Variants in AUTS2 observed in about 807,000 individuals in gnomAD.
The protein encoded by AUTS2 is activator of transcription and developmental regulator AUTS2.
AUTS2 carries 17 observed loss-of-function variants against 112.4 expected under a neutral mutation model. That is an observed-to-expected ratio of 0.15 (90% CI 0.10 to 0.23). The LOEUF (loss-of-function observed/expected upper bound fraction) is 0.23, where lower values mean the gene tolerates loss of function less well. AUTS2 is among the 10% of genes least tolerant of loss of function. The probability of loss-of-function intolerance (pLI) is 1.00; values close to 1 mark genes in which losing one functional copy is unlikely to be tolerated. For missense variants in AUTS2, 1,510 were observed against 1,701.6 expected, an observed-to-expected ratio of 0.89 and a Z score of 1.98; for synonymous variants, 751 against 702.7, an observed-to-expected ratio of 1.07 and a Z score of -1.09.
At chr7:70,095,754 C>T (rs1804163137) in intron 2 of AUTS2, among the ~76,000 whole-genome samples, 1 of 152,072 alleles carries the variant, frequency 6.6e-6, no homozygotes, top group Admixed American at 6.5e-5. Context: ...GCTGTAGACT[C>T]TGTGATAGAG....
intron 2 of AUTS2, among the ~76,000 whole-genome samples, chr7:70,022,314 G>C (rs1045115547): frequency 6.6e-6 from 1 of 151,024 alleles, no homozygotes; most frequent in Non-Finnish European, 1.5e-5. Flanking sequence ...GTGGGTGTTA[G>C]ACTAATAGAT....
chr7:70,734,259 G>GA, intron 6 of AUTS2, among the ~76,000 whole-genome samples: 1 of 152,052 alleles, frequency 6.6e-6, no homozygotes, highest in East Asian at 2.0e-4. Context: ...CTAACACAGT[G>GA]AAACCCCGTC....
At chr7:70,522,493 T>A (rs999017603) in intron 5 of AUTS2, among the ~76,000 whole-genome samples, 1 of 152,234 alleles carries the variant, frequency 6.6e-6, no homozygotes, top group Non-Finnish European at 1.5e-5. Flanking sequence ...TGTCTGTTGT[T>A]GCCACGTTTT....
At chr7:69,614,801 G>A (rs1793277125) in intron 1 of AUTS2, among the ~76,000 whole-genome samples, 1 of 152,092 alleles carries the variant, frequency 6.6e-6, no homozygotes, top group South Asian at 2.1e-4. Context: ...CGTATGAAGA[G>A]AGGTGGCAGT....
chr7:69,971,646 G>T (rs1797854511), intron 2 of AUTS2, among the ~76,000 whole-genome samples: 1 of 152,072 alleles, frequency 6.6e-6, no homozygotes, highest in Non-Finnish European at 1.5e-5. Flanking sequence ...CTCCTGATAT[G>T]CAATCACTTT....
chr7:70,282,634 G>A (rs1338414699), intron 4 of AUTS2, among the ~76,000 whole-genome samples: 1 of 152,170 alleles, frequency 6.6e-6, no homozygotes, highest in Non-Finnish European at 1.5e-5. Context: ...TGGTAGTTAG[G>A]ATTTCAACAT....
intron 4 of AUTS2, among the ~76,000 whole-genome samples, chr7:70,251,417 C>A (rs1424287702): frequency 6.6e-6 from 1 of 152,138 alleles, no homozygotes; most frequent in Non-Finnish European, 1.5e-5. Context: ...TCCCTCACCT[C>A]TTCTCTAAAT....
chr7:70,581,824 G>A (rs1049665871), intron 5 of AUTS2, among the ~76,000 whole-genome samples: 3 of 152,056 alleles, frequency 2.0e-5, no homozygotes, highest in Non-Finnish European at 4.4e-5. Context: ...TGGTGTAGTT[G>A]ACTTGTTTCT....
At chr7:70,167,060 T>G (rs1008534555) in intron 4 of AUTS2, among the ~76,000 whole-genome samples, 4 of 152,158 alleles carry the variant, frequency 2.6e-5, no homozygotes, top group Non-Finnish European at 5.9e-5. Context: ...ACCCTGTCTC[T>G]GCTGAAAGTA....
intron 5 of AUTS2, among the ~76,000 whole-genome samples, chr7:70,646,688 C>T (rs987130634): frequency 3.3e-5 from 5 of 152,258 alleles, no homozygotes; most frequent in African/African-American, 1.2e-4. Flanking sequence ...ATCGAACAGA[C>T]TGTGCCGCTG....
chr7:70,395,912 C>T (rs935390630), intron 4 of AUTS2, among the ~76,000 whole-genome samples: 1 of 152,034 alleles, frequency 6.6e-6, no homozygotes, highest in African/African-American at 2.4e-5. Context: ...TGCTGTTTAC[C>T]GTCAAGCCTG....
chr7:70,237,568 A>T (rs912401438), intron 4 of AUTS2, among the ~76,000 whole-genome samples: 1 of 152,204 alleles, frequency 6.6e-6, no homozygotes, highest in Non-Finnish European at 1.5e-5. Context: ...TACCTTCAAA[A>T]TACCAAATCT....
intron 1 of AUTS2, among the ~76,000 whole-genome samples, chr7:69,804,367 A>G (rs979152908): frequency 6.6e-6 from 1 of 152,182 alleles, no homozygotes; most frequent in Non-Finnish European, 1.5e-5. Context: ...ACTGTGTGAA[A>G]CTTCTCATAC....
chr7:69,782,799 G>T (rs556927833), intron 1 of AUTS2, among the ~76,000 whole-genome samples: 1 of 152,138 alleles, frequency 6.6e-6, no homozygotes. Context: ...GATGTAGTTA[G>T]TTCTCATGCT....
chr7:70,790,083 G>A lies in AUTS2; in HGVS notation c.2867G>A (p.Ser956Asn). Residue 956 changes from serine to asparagine, a missense_variant, in exon 19 of 19, where the codon AGC becomes AAC. Around this residue, in one of 3 missense-constraint regions of AUTS2, gnomAD observed 788 missense variants for 797.6 expected, o/e 0.99. Transcript: ENST00000342771. The surrounding 1 kb of genome is among the most constrained non-coding windows in gnomAD (Gnocchi z 7.6). Reference protein sequence around the residue: ...TPVVESARPNSTSSREAEPRK... With the variant: ...TPVVESARPNNTSSREAEPRK... ...GTGGTGGAGAGTGCCAGGCCCAACA[G>A]CACCTCGAGCCGGGAGGCCGAGCCG... 1.9e-6 allele frequency: 3 copies of A among 1,577,364 alleles called. No individual in the cohort carries two copies. The highest frequency in any genetic ancestry group is 2.6e-6 in the Non-Finnish European group (3 of 1,163,812).
rs1792262555 is a variant in AUTS2, at chr7:69,599,718, G to A, written c.65G>A (p.Arg22Gln). 4 of 1,325,642 alleles carry A rather than the reference G, an allele frequency of 3.0e-6. No individual in the cohort carries two copies. The highest frequency in any genetic ancestry group is 8.2e-5 in the Admixed American group (2 of 24,386). 82.1% of individuals were successfully genotyped at this position (1,325,642 alleles called of 1,614,324 possible). A position where few individuals can be genotyped will look rare whatever the true frequency, so the allele number is the denominator to read the frequency against. Residue 22 changes from arginine (R) to glutamine (Q), a missense_variant, in exon 1 of 19, where the codon CGG (arginine) becomes CAG (glutamine). Around this residue, in one of 3 missense-constraint regions of AUTS2, gnomAD observed 535 missense variants for 594.3 expected, o/e 0.90. Transcript: ENST00000342771. The surrounding 1 kb of genome is among the most constrained non-coding windows in gnomAD (Gnocchi z 7.0). ...KKRRSRSQRD[R>Q]ERRSRGGLGA... ...CGGCGGTCGCGGTCGCAGCGAGACCGGGAGAGGCGCTCCCGGGGCGGGCTG... is the reference window on the plus strand; with the variant it reads ...CGGCGGTCGCGGTCGCAGCGAGACCAGGAGAGGCGCTCCCGGGGCGGGCTG...
At chr7:70,378,015 A>G (rs1164116024) in intron 4 of AUTS2, among the ~76,000 whole-genome samples, 4 of 151,426 alleles carry the variant, frequency 2.6e-5, no homozygotes, top group Admixed American at 6.6e-5. Flanking sequence ...TGACCTTGTG[A>G]TCCGCCCATC....
chr7:69,852,437 CTTTTCTTTT>C (rs1792525907), intron 1 of AUTS2, among the ~76,000 whole-genome samples: 1 of 150,938 alleles, frequency 6.6e-6, no homozygotes, highest in African/African-American at 2.4e-5. Flanking sequence ...TCCCTGTTTT[CTTTTCTTTT>C]TTTTCGAGAC....
At chr7:69,811,555 T>C (rs1790543380) in intron 1 of AUTS2, among the ~76,000 whole-genome samples, 1 of 152,162 alleles carries the variant, frequency 6.6e-6, no homozygotes. Flanking sequence ...ATAATAATTA[T>C]CCTCCAGACT....
Sources: gnomAD v4.1 joint callset for allele counts (sites outside exome capture counted in the v4.1 genomes callset) on GRCh38, gnomAD v4.1.1 for gene constraint, gnomAD v4.1.1 regional missense constraint, Gnocchi (gnomAD v3.1) non-coding constraint, MANE v1.5 for transcripts, NCBI Gene and HGNC (gene_info 2026-07-23, HGNC 2026-07-21) for gene names.